Variants in RECQL observed in about 807,000 individuals in gnomAD.
RECQL encodes ATP-dependent DNA helicase Q1.
Under a neutral mutation model 75.8 loss-of-function variants are expected in RECQL, and 73 were observed. That is an observed-to-expected ratio of 0.96 (90% CI 0.80 to 1.17). The LOEUF is 1.17. Ranked by LOEUF, RECQL falls within the 50% of genes most tolerant of loss-of-function variation. The pLI is 0.00. For synonymous variants in RECQL, 248 were observed against 254.4 expected, an observed-to-expected ratio of 0.97 and a Z score of 0.24; for missense variants, 699 against 772.1, an observed-to-expected ratio of 0.91 and a Z score of 1.12.
chr12:21,490,121 A>C, intron 4 of RECQL, 78 bp downstream of exon 4: 1 of 738,726 alleles, frequency 1.4e-6, no homozygotes, highest in Non-Finnish European at 2.1e-6. Context: ...TATGATTATA[A>C]ATTATTTTTT....
intron 5 of RECQL, among the ~76,000 whole-genome samples, chr12:21,485,210 CAAA>C (rs60867895): frequency 2.7e-5 from 3 of 112,754 alleles, no homozygotes; most frequent in African/African-American, 6.9e-5. Context: ...TATACTCTTG[CAAA>C]AAAAAAAAAA....
intron 4 of RECQL, among the ~76,000 whole-genome samples, chr12:21,486,928 C>T (rs1943316691): frequency 6.6e-6 from 1 of 152,052 alleles, no homozygotes; most frequent in South Asian, 2.1e-4. Flanking sequence ...CCACCTTGGC[C>T]TCCCAAAGTG....
At chr12:21,485,606 T>G (rs933416261) in intron 5 of RECQL, among the ~76,000 whole-genome samples, 4 of 152,096 alleles carry the variant, frequency 2.6e-5, no homozygotes, top group Non-Finnish European at 5.9e-5. Flanking sequence ...TCTAAAGAAT[T>G]GATTAAACTT....
chr12:21,497,415 G>A (rs1248994408), intron 2 of RECQL, among the ~76,000 whole-genome samples: 1 of 152,180 alleles, frequency 6.6e-6, no homozygotes, highest in Non-Finnish European at 1.5e-5. Context: ...CATCTCTCCA[G>A]AGTGATCCTG....
chr12:21,492,841 A>T (rs1943439129), intron 2 of RECQL, among the ~76,000 whole-genome samples: 1 of 152,188 alleles, frequency 6.6e-6, no homozygotes, highest in Admixed American at 6.5e-5. Context: ...TTCTGTGACA[A>T]GTGCACCAGC....
intron 1 of RECQL, 49 bp from the exon 2 acceptor site, chr12:21,499,664 A>G: frequency 1.1e-6 from 1 of 951,100 alleles, no homozygotes; most frequent in Non-Finnish European, 1.6e-6. Flanking sequence ...AAATAGTACT[A>G]TTAATGATGT....
rs1433474767 is a variant in RECQL at position 21,469,869 on chromosome 12, T to C, written c.*325A>G. 3 of 195,924 alleles carry C rather than the reference T, an allele frequency of 1.5e-5. No individual in the cohort carries two copies. Among genetic ancestry groups the C allele is most frequent in the African/African-American group, 7.1e-5 (3 of 42,018 alleles). 12.1% of individuals were successfully genotyped at this position (195,924 alleles called of 1,614,324 possible). On this transcript the variant is annotated 3_prime_UTR_variant, in exon 15 of 15. Transcript: ENST00000444129. ...ATAATATTGCTTTCAAAAAGATAGT[T>C]ATGTCAAAAGAAAAAATATAGCTAA...
intron 2 of RECQL, among the ~76,000 whole-genome samples, chr12:21,493,685 A>G (rs566724778): frequency 9.5e-4 from 144 of 152,288 alleles, no homozygotes; most frequent in African/African-American, 3.4e-3. Context: ...TTAAACCACT[A>G]AATTATGCCA....
intron 2 of RECQL, 64 bp from the exon 3 acceptor site, chr12:21,491,780 T>C (rs2136756847): frequency 7.1e-7 from 1 of 1,408,810 alleles, no homozygotes; most frequent in Non-Finnish European, 9.6e-7. Context: ...GTTTCCAGAT[T>C]GATTTCTGGG....
intron 6 of RECQL, 47 bp downstream of exon 6, chr12:21,483,329 G>T: frequency 7.9e-7 from 1 of 1,259,056 alleles, no homozygotes; most frequent in Non-Finnish European, 1.1e-6. Context: ...GCTGAGTAAG[G>T]ACACGGTCTA....
At position 21,499,594 on chromosome 12, in the gene RECQL, C is replaced by G. The variant is rs1437517731; in HGVS notation, c.-24G>C. On this transcript the variant is annotated 5_prime_UTR_variant, in exon 2 of 15. Coordinates refer to ENST00000444129, the MANE Select transcript of RECQL (RefSeq NM_002907.4). ...ATTCTTTTTCTTTCCAAATTTGTTT[C>G]TAAAATAATCCAAATTTCTTTCTAA... 1.3e-6 allele frequency: 2 copies of G among 1,577,250 alleles called. No individual in the cohort carries two copies. Among genetic ancestry groups the G allele is most frequent in the Non-Finnish European group, 1.7e-6 (2 of 1,159,578 alleles).
intron 13 of RECQL, 132 bp from the exon 14 acceptor site, chr12:21,471,230 A>C: frequency 1.9e-6 from 2 of 1,060,354 alleles, no homozygotes; most frequent in Non-Finnish European, 1.3e-6. Context: ...ACAAGAATGC[A>C]AATAAAGCCT....
chr12:21,482,079 A>T (rs866254493), intron 6 of RECQL, among the ~76,000 whole-genome samples: 3 of 146,968 alleles, frequency 2.0e-5, no homozygotes, highest in African/African-American at 7.3e-5. Context: ...AAAGAACAGA[A>T]AGAGGACAGT....
intron 8 of RECQL, 135 bp downstream of exon 8, chr12:21,476,776 C>A (rs1044765884): frequency 8.2e-6 from 4 of 485,062 alleles, no homozygotes; most frequent in Non-Finnish European, 1.4e-5. Context: ...AATTTTATCA[C>A]GTATTTTCAA....
At chr12:21,471,787 A>C in intron 12 of RECQL, 140 bp from the exon 13 acceptor site, 1 of 662,760 alleles carries the variant, frequency 1.5e-6, no homozygotes, top group South Asian at 1.9e-5. Flanking sequence ...ATGTATTCTG[A>C]ATTAAGACTA....
In RECQL at chr12:21,491,518, CCTT is replaced by C. The variant is rs1422689705; in HGVS notation, c.212_214del (p.Glu71del). 2.6e-6 allele frequency: 4 copies of C among 1,510,118 alleles called. No individual in the cohort carries two copies. Among genetic ancestry groups the C allele is most frequent in the African/African-American group, 2.9e-5 (2 of 69,300 alleles). The allele number at this position is 1,510,118 out of a possible 1,614,324, so 93.5% of individuals were successfully genotyped here. ...GCAAAAAAAAAAAAAAAAAAGTTAA[CCTT>C]CTTTATTCCAAGCGGCAGGTGAAGA... On this transcript the variant is annotated inframe_deletion and splice_region_variant, in exon 3 of 15. Transcript: ENST00000444129.
Position 21,499,528 on chromosome 12 carries a change from G to A in RECQL, c.16+27C>T, listed in dbSNP as rs778705323. On this transcript the variant is annotated intron_variant, in intron 2 of 14. Coordinates refer to ENST00000444129, the MANE Select transcript of RECQL (RefSeq NM_002907.4). The stretch of plus-strand genomic sequence containing the variant: ...ACAAACAGAAATAGAACAGAAGGAA[G>A]AAGAAAATGTAATCATTGCTACTAA... 10 of 1,551,626 alleles carry A rather than the reference G, an allele frequency of 6.4e-6. No homozygotes were observed. In the South Asian group the frequency reaches 8.4e-5, roughly 13 times the overall value.
intron 6 of RECQL, among the ~76,000 whole-genome samples, chr12:21,483,104 T>C (rs1943222260): frequency 6.6e-6 from 1 of 152,198 alleles, no homozygotes; most frequent in East Asian, 1.9e-4. Flanking sequence ...GCAATTAAAC[T>C]ACAGACTACA....
At chr12:21,491,416 C>A (rs764589741) in intron 3 of RECQL, 103 bp downstream of exon 3, 149 of 1,153,130 alleles carry the variant, frequency 1.3e-4, no homozygotes, top group Non-Finnish European at 1.7e-4. Context: ...GCCAGTTTCA[C>A]CTCTAAGCCT....
Sources: allele counts gnomAD v4.1 joint callset (sites outside exome capture counted in the v4.1 genomes callset), GRCh38; gene constraint gnomAD v4.1.1; transcripts MANE v1.5; gene names NCBI Gene and HGNC (gene_info 2026-07-23, HGNC 2026-07-21).